The following SDR42E2 variants were observed in gnomAD, a reference collection of about 807,000 sequenced individuals.
SDR42E2 encodes putative short-chain dehydrogenase/reductase family 42E member 2.
Under a neutral mutation model 10.5 loss-of-function variants are expected in SDR42E2, and 20 were observed. That is an observed-to-expected ratio of 1.90 (90% confidence interval 1.34 to 2.77). The LOEUF (loss-of-function observed/expected upper bound fraction) is 2.77, where lower values mean the gene tolerates loss of function less well. Ranked by LOEUF, SDR42E2 falls within the 30% of genes most tolerant of loss-of-function variation. The pLI is 0.00. For synonymous variants in SDR42E2, 72 were observed against 39.2 expected, an observed-to-expected ratio of 1.84 and a Z score of -3.12; for missense variants, 162 against 104.2, an observed-to-expected ratio of 1.55 and a Z score of -2.42.
At chr16:22,172,383 TC>T in intron 7 of SDR42E2, 52 bp downstream of exon 7, 1 of 703,366 alleles carries the variant, frequency 1.4e-6, no homozygotes, top group Non-Finnish European at 2.6e-6. Context: ...CACTGCTGCC[TC>T]CTCCAAAATA....
intron 7 of SDR42E2, among the ~76,000 whole-genome samples, chr16:22,175,864 G>T (rs2046640575): frequency 6.6e-6 from 1 of 150,990 alleles, no homozygotes; most frequent in African/African-American, 2.4e-5. Flanking sequence ...GTGGTGGCAG[G>T]TGCCTGTAAT....
At chr16:22,184,484 C>T (rs1408281428) in intron 11 of SDR42E2, among the ~76,000 whole-genome samples, 1 of 152,184 alleles carries the variant, frequency 6.6e-6, no homozygotes, top group Non-Finnish European at 1.5e-5. Context: ...CGCCTGTATT[C>T]CCAGCTCCCT....
At chr16:22,178,346 C>G in intron 8 of SDR42E2, 134 bp downstream of exon 8, 4 of 596,286 alleles carry the variant, frequency 6.7e-6, no homozygotes, top group Non-Finnish European at 1.2e-5. Flanking sequence ...ACCCTCAGTT[C>G]TACAAGATGT....
chr16:22,176,959 T>C (rs1177398552), intron 7 of SDR42E2, among the ~76,000 whole-genome samples: 1 of 152,232 alleles, frequency 6.6e-6, no homozygotes, highest in Non-Finnish European at 1.5e-5. Flanking sequence ...TTGGAAAGTG[T>C]AGCAGCTGCT....
intron 9 of SDR42E2, 30 bp downstream of exon 9, chr16:22,181,686 T>A: frequency 1.4e-6 from 1 of 700,372 alleles, no homozygotes; most frequent in Non-Finnish European, 2.6e-6. Context: ...CCCAACCACC[T>A]TCCCCACAGG....
intron 8 of SDR42E2, 54 bp from the exon 9 acceptor site, chr16:22,181,465 A>C: frequency 1.4e-6 from 1 of 702,474 alleles, no homozygotes; most frequent in Non-Finnish European, 2.6e-6. Flanking sequence ...ATCTAGACGG[A>C]ATGTAAAGCC....
At chr16:22,185,799 G>T (rs543663189) in intron 11 of SDR42E2, among the ~76,000 whole-genome samples, 1 of 152,006 alleles carries the variant, frequency 6.6e-6, no homozygotes, top group Non-Finnish European at 1.5e-5. Flanking sequence ...AGAGATGGGG[G>T]TCTTGCTATG....
intron 10 of SDR42E2, among the ~76,000 whole-genome samples, chr16:22,183,415 C>T (rs1395636843): frequency 6.6e-6 from 1 of 152,172 alleles, no homozygotes; most frequent in Non-Finnish European, 1.5e-5. Flanking sequence ...TTGTGAGCCA[C>T]CCATTATGTG....
At chr16:22,174,133 C>A (rs1025329314) in intron 7 of SDR42E2, among the ~76,000 whole-genome samples, 7 of 151,378 alleles carry the variant, frequency 4.6e-5, no homozygotes, top group Non-Finnish European at 1.0e-4. Flanking sequence ...GAGTTCAAGA[C>A]CAGCCTAGCC....
intron 5 of SDR42E2, among the ~76,000 whole-genome samples, chr16:22,170,600 C>A (rs2046589999): frequency 6.6e-6 from 1 of 152,010 alleles, no homozygotes; most frequent in Non-Finnish European, 1.5e-5. Context: ...TCCCAGGGGC[C>A]CACAGAGCAG....
intron 1 of SDR42E2, among the ~76,000 whole-genome samples, chr16:22,163,170 G>T (rs2046510210): frequency 6.6e-6 from 1 of 152,180 alleles, no homozygotes; most frequent in Non-Finnish European, 1.5e-5. Context: ...GTACAGTGAG[G>T]TTTTAAGGCC....
At chr16:22,175,599 T>C (rs1429312542) in intron 7 of SDR42E2, among the ~76,000 whole-genome samples, 1 of 151,306 alleles carries the variant, frequency 6.6e-6, no homozygotes, top group African/African-American at 2.4e-5. Context: ...GGATGATTGC[T>C]TGAGCCTGGG....
Position 22,166,372 on chromosome 16 carries a change from G to A in SDR42E2, c.178G>A (p.Val60Ile), listed in dbSNP as rs1056727844. Residue 60 changes from valine to isoleucine, a missense_variant, in exon 3 of 13, where the codon GTC becomes ATC. Physicochemically the swap from Val to Ile is conservative, Grantham distance 29. Transcript: ENST00000602312. Reference protein sequence around the residue: ...GSHLAKSGTSVILLDRRRPQW... With the variant: ...GSHLAKSGTSIILLDRRRPQW... ...CCACCTAGCCAAGAGCGGCACTTCC[G>A]TCATTCTGCTTGACCGCCGCAGACC... The A allele has an allele frequency of 1.7e-5, 7 of 402,580 alleles. No individual in the cohort carries two copies. Among genetic ancestry groups the A allele is most frequent in the Admixed American group, 1.3e-4 (3 of 22,812 alleles). 24.9% of individuals were successfully genotyped at this position (402,580 alleles called of 1,614,324 possible).
chr16:22,179,360 CATTT>C (rs1297106877), intron 8 of SDR42E2, among the ~76,000 whole-genome samples: 1 of 152,154 alleles, frequency 6.6e-6, no homozygotes, highest in African/African-American at 2.4e-5. Context: ...TCTCCCCATT[CATTT>C]ATTCATTCAT....
intron 6 of SDR42E2, among the ~76,000 whole-genome samples, chr16:22,171,974 C>A (rs1431555840): frequency 6.6e-6 from 1 of 152,230 alleles, no homozygotes; most frequent in Admixed American, 6.5e-5. Context: ...TGTCCAGCAT[C>A]AGCCTTGCAA....
intron 6 of SDR42E2, among the ~76,000 whole-genome samples, chr16:22,171,700 T>G (rs535940668): frequency 6.6e-6 from 1 of 152,166 alleles, no homozygotes; most frequent in African/African-American, 2.4e-5. Flanking sequence ...GCCCAGCTAA[T>G]TTTTGTATTT....
rs565279311 is a variant in SDR42E2, at chr16:22,170,829, G to A, written c.395-4G>A. ...TTTGTTGCTATGTGCACCTGCTGCT[G>A]CAGTCTGTGTTCGCCGGCGGGTTCC... On this transcript the variant is annotated splice_region_variant and splice_polypyrimidine_tract_variant and intron_variant, in intron 5 of 12. Coordinates refer to ENST00000602312, the MANE Select transcript of SDR42E2 (RefSeq NM_001394319.2). The A allele has an allele frequency of 1.8e-5, 13 of 702,952 alleles. No individual in the cohort carries two copies. In the East Asian group the frequency reaches 3.2e-4, roughly 17 times the overall value. 43.5% of individuals were successfully genotyped at this position (702,952 alleles called of 1,614,324 possible). A position where few individuals can be genotyped will look rare whatever the true frequency, so the allele number is the denominator to read the frequency against.
Position 22,173,787 on chromosome 16 carries a change from G to A in SDR42E2, c.589+1456G>A, listed in dbSNP as rs531122378. On this transcript the variant is annotated intron_variant, in intron 7 of 12. Transcript: ENST00000602312. The stretch of plus-strand genomic sequence containing the variant: ...CTGTAATCTCAGCACTTTGGGAGGC[G>A]GAGGTGGGTGGATGGCTTGAGTTTA... Among the ~76,000 whole-genome samples, 265 of 150,362 alleles carry A rather than the reference G, an allele frequency of 1.8e-3. 1 individual carries two copies. Among genetic ancestry groups the A allele is most frequent in the Middle Eastern group, 0.011 (3 of 280 alleles).
Position 22,190,675 on chromosome 16 carries a change from C to T in SDR42E2, c.*282C>T. On this transcript the variant is annotated 3_prime_UTR_variant, in exon 13 of 13. Transcript: ENST00000602312. ...CCCCGCCCTCCGAAGTGGGCACGCTCCTGCTCCGCCCCCTGAATCCTGGCC... is the reference window on the plus strand; with the variant it reads ...CCCCGCCCTCCGAAGTGGGCACGCTTCTGCTCCGCCCCCTGAATCCTGGCC... 1 of 359,742 alleles carries T rather than the reference C, an allele frequency of 2.8e-6. No individual in the cohort carries two copies. The highest frequency in any genetic ancestry group is 1.3e-4 in the South Asian group (1 of 7,494). 22.3% of individuals were successfully genotyped at this position (359,742 alleles called of 1,614,324 possible).
Sources: gnomAD v4.1 joint callset for allele counts (sites outside exome capture counted in the v4.1 genomes callset) on GRCh38, gnomAD v4.1.1 for gene constraint, MANE v1.5 for transcripts, NCBI Gene and HGNC (gene_info 2026-07-23, HGNC 2026-07-21) for gene names.